Variants in NRXN3 observed in about 807,000 individuals in gnomAD.
NRXN3 encodes the protein neurexin 3, also known as neurexin III.
Under a neutral mutation model 137.6 loss-of-function variants are expected in NRXN3, and 32 were observed. The ratio of observed to expected loss-of-function variants is 0.23; its 90% CI spans 0.18 to 0.31. The LOEUF (loss-of-function observed/expected upper bound fraction) is 0.31. Ranked by LOEUF, NRXN3 falls within the 10% of genes least tolerant of loss-of-function variation. The probability of loss-of-function intolerance (pLI) is 1.00; values close to 1 mark genes in which losing one functional copy is unlikely to be tolerated. For synonymous variants in NRXN3, 798 were observed against 784.5 expected (o/e 1.02, Z -0.29); for missense variants, 1,574 against 2,062.5 (o/e 0.76, Z 4.59).
chr14:78,762,437 AGCTAC>A (rs1296908502), intron 8 of NRXN3, among the ~76,000 whole-genome samples: 3 of 152,288 alleles, frequency 2.0e-5, no homozygotes, highest in South Asian at 4.1e-4. Context: ...CCTCTCAGAA[AGCTAC>A]GCAATCTCTT....
At position 79,697,662 on chromosome 14, in the gene NRXN3, C is replaced by T; in HGVS notation, c.3739C>T (p.Gln1247Ter). 1 of 1,612,778 alleles carries T rather than the reference C, an allele frequency of 6.2e-7. No individual in the cohort carries two copies. Among genetic ancestry groups the T allele is most frequent in the South Asian group, 1.1e-5 (1 of 91,032 alleles). ...GTTAACCATCTTCAACACTCAGGCG[C>T]AAATAGCCATTGGTGGAAAGGACAA... ...RQLTIFNTQAQIAIGGKDKGR... is the reference protein window; with the variant it reads ...RQLTIFNTQA The change falls in exon 19 of 21, where the codon CAA becomes TAA. Residue 1247 changes from glutamine (Q) to a stop codon, truncating the protein, a stop_gained. Transcript: ENST00000335750. LOFTEE classifies it high-confidence loss of function.
intron 4 of NRXN3, among the ~76,000 whole-genome samples, chr14:78,417,011 C>G (rs892196193): frequency 6.6e-6 from 1 of 152,172 alleles, no homozygotes; most frequent in Non-Finnish European, 1.5e-5. Context: ...TATCTGGGCT[C>G]CTGCTGTAAC....
At chr14:78,610,045 A>G (rs1041719194) in intron 4 of NRXN3, among the ~76,000 whole-genome samples, 1 of 151,924 alleles carries the variant, frequency 6.6e-6, no homozygotes, top group African/African-American at 2.4e-5. Flanking sequence ...GGAGAGAGAG[A>G]GAGAGAGAGG....
chr14:79,520,029 T>A (rs1354076444), intron 16 of NRXN3, among the ~76,000 whole-genome samples: 6 of 152,004 alleles, frequency 3.9e-5, no homozygotes, highest in African/African-American at 1.5e-4. Context: ...TTTCTTCAGA[T>A]AACTCTTAAG....
chr14:78,747,695 G>A (rs2098617281), intron 8 of NRXN3, among the ~76,000 whole-genome samples: 1 of 152,122 alleles, frequency 6.6e-6, no homozygotes, highest in African/African-American at 2.4e-5. Context: ...GCCTTTGCTT[G>A]CTACATGATA....
rs3036593 is a variant in NRXN3 at position 78,495,138 on chromosome 14, C to CGTGTGT, written c.758-149962_758-149957dup. The stretch of plus-strand genomic sequence containing the variant: ...TATATGTGGGGTGTGTGTGTGCGTG[C>CGTGTGT]GTGTGTGTGTGTGTGTGTGTGTGTG... On this transcript the variant is annotated intron_variant, in intron 4 of 20. Coordinates refer to ENST00000335750, the MANE Select transcript of NRXN3 (RefSeq NM_001330195.2). Among the ~76,000 whole-genome samples the CGTGTGT allele has an allele frequency of 9.9e-3, 1,385 of 140,288 alleles. 24 individuals are homozygous for CGTGTGT. Among genetic ancestry groups the CGTGTGT allele is most frequent in the African/African-American group, 0.035 (1,307 of 37,172 alleles). 92.0% of individuals were successfully genotyped at this position (140,288 alleles called of 152,430 possible). A position where few individuals can be genotyped will look rare whatever the true frequency, so the allele number is the denominator to read the frequency against.
At chr14:79,754,088 G>A (rs1213364785) in intron 19 of NRXN3, among the ~76,000 whole-genome samples, 5 of 151,962 alleles carry the variant, frequency 3.3e-5, no homozygotes, top group Admixed American at 2.0e-4. Context: ...TTGGGAGGCC[G>A]AGGCAGGTGG....
chr14:79,298,571 G>T (rs2153221129), intron 15 of NRXN3, among the ~76,000 whole-genome samples: 1 of 152,210 alleles, frequency 6.6e-6, no homozygotes, highest in East Asian at 1.9e-4. Flanking sequence ...AAGATAAGGT[G>T]TGCTGAGTAA....
intron 10 of NRXN3, among the ~76,000 whole-genome samples, chr14:78,917,988 G>GAAAAAAAAAAAAAAAA (rs71131666): frequency 9.3e-6 from 1 of 107,486 alleles, no homozygotes. Context: ...ATAAAAAAAT[G>GAAAAAAAAAAAAAAAA]AAAAAAAAAA....
At chr14:78,716,753 A>G (rs778586302) in intron 8 of NRXN3, among the ~76,000 whole-genome samples, 6 of 152,254 alleles carry the variant, frequency 3.9e-5, no homozygotes, top group Non-Finnish European at 7.3e-5. Context: ...CAAGAGAACT[A>G]CAAACCCTTT....
chr14:79,031,712 T>TAATC (rs4016642), intron 15 of NRXN3, among the ~76,000 whole-genome samples: 86,945 of 151,726 alleles, frequency 0.57, 26,096 homozygotes, highest in East Asian at 0.81. Flanking sequence ...TATCAAGAGT[T>TAATC]AATTACAATT....
chr14:79,354,641 C>T (rs1385386101), intron 15 of NRXN3, among the ~76,000 whole-genome samples: 1 of 152,158 alleles, frequency 6.6e-6, no homozygotes, highest in Non-Finnish European at 1.5e-5. Flanking sequence ...TAGCCATTCT[C>T]ACAATATCAT....
chr14:78,579,056 T>C (rs1388714412), intron 4 of NRXN3, among the ~76,000 whole-genome samples: 1 of 151,854 alleles, frequency 6.6e-6, no homozygotes, highest in African/African-American at 2.4e-5. Flanking sequence ...CTAGAGAGGG[T>C]TTAGGTATTC....
intron 16 of NRXN3, among the ~76,000 whole-genome samples, chr14:79,485,859 G>A (rs2096651200): frequency 6.6e-6 from 1 of 152,148 alleles, no homozygotes; most frequent in Non-Finnish European, 1.5e-5. Context: ...GGAAGCTTAA[G>A]GGGGAAATGA....
chr14:78,991,797 T>A (rs1238063699), intron 15 of NRXN3, among the ~76,000 whole-genome samples: 2 of 152,250 alleles, frequency 1.3e-5, no homozygotes, highest in African/African-American at 4.8e-5. Flanking sequence ...TATGATTGCC[T>A]GACAATGTTA....
chr14:79,744,879 G>A (rs929384253), intron 19 of NRXN3, among the ~76,000 whole-genome samples: 18 of 152,180 alleles, frequency 1.2e-4, no homozygotes, highest in South Asian at 4.1e-4. Flanking sequence ...TGAAGTATCC[G>A]GAGCAGTCCG....
At chr14:78,696,530 G>A (rs890580976) in intron 6 of NRXN3, among the ~76,000 whole-genome samples, 10 of 151,958 alleles carry the variant, frequency 6.6e-5, no homozygotes, top group Non-Finnish European at 1.2e-4. Flanking sequence ...GTAACAAGTC[G>A]CAGAACAAGA....
At chr14:79,045,282 A>C (rs1033847623) in intron 15 of NRXN3, among the ~76,000 whole-genome samples, 3 of 152,130 alleles carry the variant, frequency 2.0e-5, no homozygotes, top group Non-Finnish European at 4.4e-5. Flanking sequence ...AACAATCGGC[A>C]ATCACTCTGC....
intron 15 of NRXN3, among the ~76,000 whole-genome samples, chr14:79,263,824 C>T (rs188259773): frequency 1.0e-3 from 159 of 152,134 alleles, no homozygotes; most frequent in African/African-American, 3.7e-3. Flanking sequence ...TACACAACTC[C>T]GGGGGCACAA....
Sources: allele counts gnomAD v4.1 joint callset (sites outside exome capture counted in the v4.1 genomes callset), GRCh38; gene constraint gnomAD v4.1.1; transcripts MANE v1.5; gene names NCBI Gene and HGNC (gene_info 2026-07-23, HGNC 2026-07-21).